SIPA1L1: variants seen among roughly 807,000 people sequenced by gnomAD.
The protein encoded by SIPA1L1 is signal induced proliferation associated 1 like 1.
SIPA1L1 carries 26 observed loss-of-function variants against 162.7 expected under a neutral mutation model. That is an observed-to-expected ratio of 0.16 (90% CI 0.12 to 0.22). SIPA1L1 has a LOEUF of 0.22. Ranked by LOEUF, SIPA1L1 falls within the 10% of genes least tolerant of loss-of-function variation. The probability of loss-of-function intolerance (pLI) is 1.00; values close to 1 mark genes in which losing one functional copy is unlikely to be tolerated. For synonymous variants in SIPA1L1, 829 were observed against 837.4 expected (o/e 0.99, Z 0.17); for missense variants, 1,874 against 2,241.0 (o/e 0.84, Z 3.31).
At chr14:71,371,714 A>G (rs979885637) in intron 2 of SIPA1L1, among the ~76,000 whole-genome samples, 5 of 152,194 alleles carry the variant, frequency 3.3e-5, no homozygotes, top group Non-Finnish European at 5.9e-5. Context: ...TCTTCAAAGC[A>G]TATTAAAATA....
intron 4 of SIPA1L1, among the ~76,000 whole-genome samples, chr14:71,546,433 G>C (rs866964363): frequency 2.9e-5 from 4 of 137,440 alleles, no homozygotes; most frequent in South Asian, 4.6e-4. Flanking sequence ...TGGAGTGCAG[G>C]TGCAGTGGCA....
At chr14:71,534,788 G>A (rs2053747487) in intron 4 of SIPA1L1, among the ~76,000 whole-genome samples, 1 of 152,162 alleles carries the variant, frequency 6.6e-6, no homozygotes, top group Non-Finnish European at 1.5e-5. Context: ...AGATGGAGAA[G>A]CCAATGTACA....
chr14:71,720,707 T>C (rs1400486838), intron 17 of SIPA1L1, among the ~76,000 whole-genome samples: 1 of 152,154 alleles, frequency 6.6e-6, no homozygotes, highest in Non-Finnish European at 1.5e-5. Context: ...TCCTTCTGCT[T>C]GATCAATTCC....
At chr14:71,470,903 T>A (rs898961330) in intron 2 of SIPA1L1, among the ~76,000 whole-genome samples, 9 of 152,176 alleles carry the variant, frequency 5.9e-5, no homozygotes, top group Non-Finnish European at 1.5e-5. Context: ...AGTGGCTTGA[T>A]CACGGCTTGC....
intron 17 of SIPA1L1, among the ~76,000 whole-genome samples, chr14:71,715,772 T>C (rs920081796): frequency 6.6e-6 from 1 of 152,254 alleles, no homozygotes; most frequent in African/African-American, 2.4e-5. Context: ...CTCTTATAAC[T>C]ACACTTTGTG....
intron 5 of SIPA1L1, among the ~76,000 whole-genome samples, chr14:71,603,863 C>T (rs2037109584): frequency 1.3e-5 from 2 of 148,764 alleles, no homozygotes; most frequent in Admixed American, 6.7e-5. Context: ...TGCGGTGAGC[C>T]GAGATTGCAC....
At chr14:71,546,060 G>T (rs566326531) in intron 4 of SIPA1L1, among the ~76,000 whole-genome samples, 49 of 152,124 alleles carry the variant, frequency 3.2e-4, no homozygotes, top group African/African-American at 1.1e-3. Context: ...TCCAGCCTGG[G>T]AAACAGAGCG....
intron 16 of SIPA1L1, 85 bp from the exon 17 acceptor site, chr14:71,709,137 A>G (rs2082686035): frequency 3.4e-6 from 4 of 1,177,658 alleles, no homozygotes; most frequent in Non-Finnish European, 4.8e-6. Context: ...CCCTATAACT[A>G]GAAATTAATC....
chr14:71,438,267 C>T (rs1020682350), intron 2 of SIPA1L1, among the ~76,000 whole-genome samples: 4 of 152,068 alleles, frequency 2.6e-5, no homozygotes, highest in Non-Finnish European at 4.4e-5. Context: ...ACCCCAGTTC[C>T]GATAATTCCC....
At chr14:71,402,257 T>C (rs2041723068) in intron 2 of SIPA1L1, among the ~76,000 whole-genome samples, 1 of 152,154 alleles carries the variant, frequency 6.6e-6, no homozygotes, top group South Asian at 2.1e-4. Flanking sequence ...AGGCAATATA[T>C]TGATGGCATT....
intron 5 of SIPA1L1, among the ~76,000 whole-genome samples, chr14:71,594,744 A>C (rs1367295542): frequency 6.6e-6 from 1 of 152,172 alleles, no homozygotes; most frequent in East Asian, 1.9e-4. Context: ...AGTATTTTTC[A>C]ATGTAGTTTC....
chr14:71,324,447 A>G lies in SIPA1L1; in HGVS notation c.-465+3266A>G, dbSNP rs528463217. Among the ~76,000 whole-genome samples, 13 of 152,198 alleles carry G rather than the reference A, an allele frequency of 8.5e-5. No homozygotes were observed. In the East Asian group the frequency reaches 2.1e-3, roughly 25 times the overall value. On this transcript the variant is annotated intron_variant, in intron 2 of 23. Transcript: ENST00000381232. ...TAAAATTTTACTACTTTCTCCCCCC[A>G]CTTAAGAGTTCAGTATTTATTAAAT...
At chr14:71,612,809 T>C (rs1214368574) in intron 5 of SIPA1L1, among the ~76,000 whole-genome samples, 1 of 152,222 alleles carries the variant, frequency 6.6e-6, no homozygotes, top group Non-Finnish European at 1.5e-5. Context: ...CTTTGAACTA[T>C]TCGCTGTTTC....
rs1420013643 is a variant in SIPA1L1, at chr14:71,373,572, G to A, written c.-465+52391G>A. Among the ~76,000 whole-genome samples, 6 of 147,134 alleles carry A rather than the reference G, an allele frequency of 4.1e-5. No homozygotes were observed. The South Asian group carries it at 8.7e-4, about 21-fold the overall frequency. On this transcript the variant is annotated intron_variant, in intron 2 of 23. Coordinates refer to ENST00000381232, the MANE Select transcript of SIPA1L1 (RefSeq NM_001386936.1). ...CCCAGGAGGCTGAGGCAGGAAAATCGCTTGAACCCGGGAGGCAGAGGTTGC... is the reference window on the plus strand; with the variant it reads ...CCCAGGAGGCTGAGGCAGGAAAATCACTTGAACCCGGGAGGCAGAGGTTGC...
chr14:71,359,561 T>G (rs1430509068), intron 2 of SIPA1L1, among the ~76,000 whole-genome samples: 1 of 152,212 alleles, frequency 6.6e-6, no homozygotes, highest in Non-Finnish European at 1.5e-5. Context: ...GCCTGCCACA[T>G]AGTAGATAAT....
chr14:71,533,340 C>A (rs1201873314), intron 4 of SIPA1L1, among the ~76,000 whole-genome samples: 1 of 152,018 alleles, frequency 6.6e-6, no homozygotes, highest in Non-Finnish European at 1.5e-5. Context: ...CCTAGAGTAC[C>A]CTTTTTCATT....
chr14:71,587,920 C>T lies in SIPA1L1; in HGVS notation c.48C>T (p.Asp16=). The T allele has an allele frequency of 6.2e-7, 1 of 1,613,452 alleles. No homozygotes were observed. Among genetic ancestry groups the T allele is most frequent in the Non-Finnish European group, 8.5e-7 (1 of 1,179,406 alleles). ...RSQTERPLAT[D]RASVVGTDGT... ...AGACAGAAAGGCCTCTTGCCACTGA[C>T]AGGGCCTCTGTTGTTGGCACAGACG... The change falls in exon 5 of 24, where the codon GAC becomes GAT. Residue 16 remains aspartate (D), a synonymous_variant. Transcript: ENST00000381232.
intron 2 of SIPA1L1, among the ~76,000 whole-genome samples, chr14:71,506,902 G>T (rs1166034529): frequency 1.3e-5 from 2 of 149,918 alleles, no homozygotes; most frequent in East Asian, 3.9e-4. Flanking sequence ...GGGCTCAAGC[G>T]TTCCACCCAC....
intron 4 of SIPA1L1, among the ~76,000 whole-genome samples, chr14:71,541,030 A>G (rs1371761384): frequency 6.6e-6 from 1 of 152,192 alleles, no homozygotes; most frequent in African/African-American, 2.4e-5. Context: ...CAGGAGGCTG[A>G]AGCAGGAGAA....
Sources: gnomAD v4.1 joint callset for allele counts (sites outside exome capture counted in the v4.1 genomes callset) on GRCh38, gnomAD v4.1.1 for gene constraint, MANE v1.5 for transcripts, NCBI Gene and HGNC (gene_info 2026-07-23, HGNC 2026-07-21) for gene names.